The following HSD17B12 variants were observed in gnomAD, a reference collection of about 807,000 sequenced individuals.
HSD17B12 encodes the protein hydroxysteroid 17-beta dehydrogenase 12.
A neutral mutation model predicts 39.3 loss-of-function variants in HSD17B12; 32 were observed. The ratio of observed to expected loss-of-function variants is 0.81; its 90% CI spans 0.61 to 1.09. The LOEUF is 1.09. HSD17B12 is among the 50% of genes least tolerant of loss of function. The pLI is 0.00. For missense variants in HSD17B12, 342 were observed against 382.9 expected, an observed-to-expected ratio of 0.89 and a Z score of 0.89; for synonymous variants, 150 against 146.7, an observed-to-expected ratio of 1.02 and a Z score of -0.16.
At chr11:43,680,458 G>C, upstream of HSD17B12, 1 of 297,672 alleles carries the variant, frequency 3.4e-6, no homozygotes, top group South Asian at 3.2e-5. Flanking sequence ...AAACCAGCCT[G>C]GGTCTGACCG....
intron 3 of HSD17B12, among the ~76,000 whole-genome samples, chr11:43,771,540 C>T (rs1950650046): frequency 1.4e-5 from 2 of 139,968 alleles, no homozygotes; most frequent in African/African-American, 5.3e-5. Flanking sequence ...AATCTCAGCT[C>T]ACTGCAACCT....
At chr11:43,677,613 G>A (rs1478317393), upstream of HSD17B12, among the ~76,000 whole-genome samples, 1 of 151,750 alleles carries the variant, frequency 6.6e-6, no homozygotes, top group Non-Finnish European at 1.5e-5. Flanking sequence ...CCCATGACAG[G>A]CCCCAGTGTG....
the HSD17B12 span, among the ~76,000 whole-genome samples, chr11:43,659,214 G>A: frequency 1.3e-5 from 2 of 152,244 alleles, no homozygotes; most frequent in African/African-American, 4.8e-5. Flanking sequence ...ATAATCTCCT[G>A]GTGTGCCGTT....
chr11:43,624,046 A>G, the HSD17B12 span, among the ~76,000 whole-genome samples: 1 of 144,150 alleles, frequency 6.9e-6, no homozygotes, highest in Non-Finnish European at 1.5e-5. Flanking sequence ...AATTATTCAG[A>G]TAATTCAAAG....
rs116842690 is a variant in HSD17B12, at chr11:43,780,245, A to C, written c.284-18075A>C. On this transcript the variant is annotated intron_variant, in intron 3 of 10. Coordinates refer to ENST00000278353, the MANE Select transcript of HSD17B12 (RefSeq NM_016142.3). The stretch of plus-strand genomic sequence containing the variant: ...CAATGGCGTGTTCTCAGCTTACTGC[A>C]ACCTCCGCCTCTTGAGTTCAAGCGA... 1.3e-3 allele frequency among the ~76,000 whole-genome samples: 192 copies of C among 152,214 alleles called. 4 individuals carry two copies. In the East Asian group the frequency reaches 0.036, roughly 28 times the overall value.
upstream of HSD17B12, among the ~76,000 whole-genome samples, chr11:43,678,153 T>A (rs955650862): frequency 6.6e-5 from 10 of 151,854 alleles, no homozygotes; most frequent in African/African-American, 1.9e-4. Flanking sequence ...TATCTCATTG[T>A]GGTTTTGATT....
chr11:43,581,954 G>C, the HSD17B12 span, among the ~76,000 whole-genome samples: 1 of 152,228 alleles, frequency 6.6e-6, no homozygotes, highest in African/African-American at 2.4e-5. This position sits in a 1 kb window ranked among gnomAD's most constrained non-coding sequence, Gnocchi z 4.9. Flanking sequence ...GGAAGCCCTT[G>C]AGGGAGGGGC....
the HSD17B12 span, among the ~76,000 whole-genome samples, chr11:43,559,940 C>T: frequency 1.3e-5 from 2 of 152,116 alleles, no homozygotes; most frequent in Non-Finnish European, 1.5e-5. Flanking sequence ...CACGTAGGGC[C>T]CCTTGTTCAA....
Position 43,776,720 on chromosome 11 carries a change from A to C in HSD17B12, c.284-21600A>C, listed in dbSNP as rs1950708399. Reference sequence around the variant, plus strand: ...AACGGTAATGCCTAGGTTTTCTTCTAGGGTTTTTACGGTTTTAGGTCTAAC... The same window carrying C: ...AACGGTAATGCCTAGGTTTTCTTCTCGGGTTTTTACGGTTTTAGGTCTAAC... On this transcript the variant is annotated intron_variant, in intron 3 of 10. Transcript: ENST00000278353. 2.6e-5 allele frequency among the ~76,000 whole-genome samples: 4 copies of C among 152,266 alleles called. No homozygotes were observed. In the South Asian group the frequency reaches 8.3e-4, roughly 32 times the overall value.
chr11:43,718,386 A>T (rs1338106168), intron 1 of HSD17B12, among the ~76,000 whole-genome samples: 1 of 152,076 alleles, frequency 6.6e-6, no homozygotes, highest in Non-Finnish European at 1.5e-5. Flanking sequence ...TTTTCATCCA[A>T]CTAAAGTCCA....
chr11:43,827,870 G>A (rs963541219), intron 6 of HSD17B12, among the ~76,000 whole-genome samples: 1 of 152,076 alleles, frequency 6.6e-6, no homozygotes, highest in Admixed American at 6.5e-5. Flanking sequence ...AAATTTAGCT[G>A]TCATCAAGAC....
the HSD17B12 span, among the ~76,000 whole-genome samples, chr11:43,633,171 C>T: frequency 5.3e-5 from 8 of 152,222 alleles, no homozygotes; most frequent in Admixed American, 2.0e-4. Flanking sequence ...CATACAGTTT[C>T]GGTTCAGTGA....
intron 1 of HSD17B12, among the ~76,000 whole-genome samples, chr11:43,717,827 CAG>C (rs1262168940): frequency 1.5e-5 from 2 of 132,580 alleles, no homozygotes; most frequent in African/African-American, 2.9e-5. Flanking sequence ...TTTTTTGAGA[CAG>C]AGTCTGGCTC....
the HSD17B12 span, among the ~76,000 whole-genome samples, chr11:43,650,217 A>AC: frequency 1.3e-5 from 2 of 152,224 alleles, no homozygotes; most frequent in African/African-American, 4.8e-5. Context: ...TCTGATAAGG[A>AC]ACTAGTATCT....
intron 3 of HSD17B12, among the ~76,000 whole-genome samples, chr11:43,770,572 T>C (rs1357531613): frequency 6.6e-6 from 1 of 152,018 alleles, no homozygotes; most frequent in African/African-American, 2.4e-5. Flanking sequence ...TCTACAAATA[T>C]AAAAAGTACA....
In HSD17B12 at chr11:43,766,287, C is replaced by T. The variant is rs533140554; in HGVS notation, c.283+12166C>T. 1.2e-4 allele frequency among the ~76,000 whole-genome samples: 18 copies of T among 152,286 alleles called. No individual in the cohort carries two copies. In the South Asian group the frequency reaches 2.5e-3, roughly 21 times the overall value. On this transcript the variant is annotated intron_variant, in intron 3 of 10. Transcript: ENST00000278353. Reference sequence around the variant, plus strand: ...GCTGGGCTCTATCTGAATTCCTCTTCTCCTCATAATGGTCTAGAAAATCTC... The same window carrying T: ...GCTGGGCTCTATCTGAATTCCTCTTTTCCTCATAATGGTCTAGAAAATCTC...
At position 43,680,894 on chromosome 11, in the gene HSD17B12, G is replaced by A; in HGVS notation, c.67G>A (p.Ala23Thr). ...CGGCGCGGGCACCGTGGCCTACCTAGCCCTGCGTATTTCGTACTCGCTCTT... is the reference window on the plus strand; with the variant it reads ...CGGCGCGGGCACCGTGGCCTACCTAACCCTGCGTATTTCGTACTCGCTCTT... ...WVGAGTVAYLALRISYSLFTA... is the reference protein window; with the variant it reads ...WVGAGTVAYLTLRISYSLFTA... The change falls in exon 1 of 11, where the codon GCC becomes ACC. Residue 23 changes from alanine to threonine, a missense_variant. Physicochemically the swap from Ala to Thr is moderately conservative, Grantham distance 58. Transcript: ENST00000278353. 3 of 1,614,054 alleles carry A rather than the reference G, an allele frequency of 1.9e-6. No individual in the cohort carries two copies. Among genetic ancestry groups the A allele is most frequent in the Non-Finnish European group, 2.5e-6 (3 of 1,179,996 alleles).
chr11:43,784,301 ATAT>A (rs36168037), intron 3 of HSD17B12, among the ~76,000 whole-genome samples: 23,000 of 142,938 alleles, frequency 0.16, 1,835 homozygotes, highest in Middle Eastern at 0.21. Flanking sequence ...TCAGGGATTG[ATAT>A]TATTATTATT....
intron 7 of HSD17B12, chr11:43,833,070 A>T (rs1478731639): frequency 6.6e-6 from 1 of 152,072 alleles, no homozygotes; most frequent in Non-Finnish European, 1.5e-5. Flanking sequence ...GATCAAGTTG[A>T]TTTTAAACTG....
Sources: allele counts gnomAD v4.1 joint callset (sites outside exome capture counted in the v4.1 genomes callset), GRCh38; gene constraint gnomAD v4.1.1; non-coding constraint Gnocchi (gnomAD v3.1); transcripts MANE v1.5; gene names NCBI Gene and HGNC (gene_info 2026-07-23, HGNC 2026-07-21).